ZPBP: variants seen among roughly 807,000 people sequenced by gnomAD.
The protein encoded by ZPBP is zona pellucida-binding protein 1.
ZPBP carries 26 observed loss-of-function variants against 44.8 expected under a neutral mutation model. The observed-to-expected ratio is 0.58, with a 90% CI of 0.43 to 0.81. The LOEUF is 0.81. Among genes scored for constraint, ZPBP ranks in the 30% least tolerant of loss-of-function variants. The pLI, the probability that ZPBP is intolerant of heterozygous loss-of-function variation, is 0.00. For missense variants in ZPBP, 409 were observed against 434.0 expected (o/e 0.94, Z 0.51); for synonymous variants, 174 against 153.2 (o/e 1.14, Z -1.00).
At chr7:49,944,481 A>C (rs1795019260) in intron 7 of ZPBP, 1 of 159,190 alleles carries the variant, frequency 6.3e-6, no homozygotes, top group Admixed American at 6.5e-5. Context: ...AGTCCAGCTT[A>C]TGTTGGGTAA....
At chr7:49,850,523 G>GGA (rs1484734198) in intron 2 of ZPBP, 1 of 152,218 alleles carries the variant, frequency 6.6e-6, no homozygotes, top group Non-Finnish European at 1.5e-5. Context: ...TCCTGAAAGA[G>GGA]GAGAGGAGCA....
At chr7:49,979,573 A>G (rs531303981) in intron 7 of ZPBP, among the ~76,000 whole-genome samples, 2 of 151,796 alleles carry the variant, frequency 1.3e-5, no homozygotes, top group South Asian at 4.1e-4. Context: ...GTTTTTAAAT[A>G]CAAAAAAAAT....
At chr7:49,940,803 T>G in intron 7 of ZPBP, 6 of 985,364 alleles carry the variant, frequency 6.1e-6, no homozygotes, top group Non-Finnish European at 7.2e-6. Context: ...TATGACCTTC[T>G]GACCTGTATG....
intron 4 of ZPBP, among the ~76,000 whole-genome samples, chr7:50,036,305 C>T (rs1054542282): frequency 6.6e-6 from 1 of 152,154 alleles, no homozygotes; most frequent in African/African-American, 2.4e-5. Flanking sequence ...AGGCGCCTGC[C>T]ACTGAGCTGG....
At chr7:49,874,108 G>C (rs542084253) in intron 2 of ZPBP, among the ~76,000 whole-genome samples, 1 of 152,062 alleles carries the variant, frequency 6.6e-6, no homozygotes, top group South Asian at 2.1e-4. Flanking sequence ...GGAGTTGGTG[G>C]GCAAAGGATG....
At chr7:49,973,857 T>G (rs1029043050) in intron 7 of ZPBP, among the ~76,000 whole-genome samples, 5 of 152,114 alleles carry the variant, frequency 3.3e-5, no homozygotes, top group African/African-American at 1.2e-4. Context: ...TTCATATAAT[T>G]GTATACTAAT....
intron 6 of ZPBP, among the ~76,000 whole-genome samples, chr7:50,010,919 A>AC (rs1798541742): frequency 6.6e-6 from 1 of 151,678 alleles, no homozygotes; most frequent in African/African-American, 2.4e-5. Flanking sequence ...AAAAAAAAAA[A>AC]AAAAAAAAAC....
At chr7:49,931,963 G>T (rs1794461611) in intron 1 of ZPBP, among the ~76,000 whole-genome samples, 1 of 152,242 alleles carries the variant, frequency 6.6e-6, no homozygotes, top group Non-Finnish European at 1.5e-5. Context: ...GAGGGAAGAA[G>T]CCCCAAGCCT....
chr7:50,052,478 T>C (rs1417359895), intron 4 of ZPBP, among the ~76,000 whole-genome samples: 2 of 152,204 alleles, frequency 1.3e-5, no homozygotes, highest in Non-Finnish European at 2.9e-5. Context: ...ATGGAGTAAC[T>C]GGACTATCCT....
intron 6 of ZPBP, among the ~76,000 whole-genome samples, chr7:49,987,222 A>T (rs1227015431): frequency 6.6e-6 from 1 of 152,208 alleles, no homozygotes; most frequent in South Asian, 2.1e-4. Context: ...TAAGGGATTT[A>T]AAAGGATTTT....
intron 2 of ZPBP, among the ~76,000 whole-genome samples, chr7:49,852,693 G>A (rs1790230061): frequency 6.6e-6 from 1 of 152,048 alleles, no homozygotes; most frequent in Non-Finnish European, 1.5e-5. Flanking sequence ...GACGGATGGG[G>A]GACGGGCCTT....
intron 4 of ZPBP, among the ~76,000 whole-genome samples, chr7:50,032,545 C>A (rs1799649713): frequency 6.6e-6 from 1 of 152,178 alleles, no homozygotes; most frequent in African/African-American, 2.4e-5. Context: ...CACAAACCAG[C>A]AACAATTCAG....
the ZPBP span, among the ~76,000 whole-genome samples, chr7:49,842,794 T>C: frequency 6.6e-6 from 1 of 152,246 alleles, no homozygotes; most frequent in East Asian, 1.9e-4. Context: ...ACATGTCATC[T>C]AGAAGGTGGC....
At chr7:49,918,678 T>A (rs1301240452) in intron 1 of ZPBP, 1 of 152,234 alleles carries the variant, frequency 6.6e-6, no homozygotes, top group African/African-American at 2.4e-5. Context: ...GGGCAAACAC[T>A]ACAATTTCAA....
chr7:50,065,556 C>G (rs1801463979), intron 3 of ZPBP, among the ~76,000 whole-genome samples: 3 of 150,916 alleles, frequency 2.0e-5, no homozygotes, highest in Non-Finnish European at 3.0e-5. Flanking sequence ...AACAACTAAA[C>G]ACTGGCTGAG....
chr7:49,897,502 A>C (rs1421816668), intron 2 of ZPBP, among the ~76,000 whole-genome samples: 1 of 152,226 alleles, frequency 6.6e-6, no homozygotes, highest in Non-Finnish European at 1.5e-5. Flanking sequence ...AACACTGATC[A>C]ATAGAGTTTC....
chr7:49,964,734 G>T (rs1392648132), intron 7 of ZPBP, among the ~76,000 whole-genome samples: 1 of 152,066 alleles, frequency 6.6e-6, no homozygotes, highest in Non-Finnish European at 1.5e-5. Context: ...ATGTTCCAAA[G>T]ATGGCAAATA....
At chr7:50,004,247 T>A (rs1798211381) in intron 6 of ZPBP, among the ~76,000 whole-genome samples, 1 of 152,086 alleles carries the variant, frequency 6.6e-6, no homozygotes, top group South Asian at 2.1e-4. Context: ...CTTTTTTTTT[T>A]CTTCCCATGC....
chr7:49,979,476 T>A (rs1253725231), intron 7 of ZPBP, among the ~76,000 whole-genome samples: 1 of 151,994 alleles, frequency 6.6e-6, no homozygotes, highest in East Asian at 1.9e-4. Flanking sequence ...AACAATTACC[T>A]TGATCAAATA....
Sources: gnomAD v4.1 joint callset for allele counts (sites outside exome capture counted in the v4.1 genomes callset) on GRCh38, gnomAD v4.1.1 for gene constraint, MANE v1.5 for transcripts, NCBI Gene and HGNC (gene_info 2026-07-23, HGNC 2026-07-21) for gene names.